SEMA3A: variants seen among roughly 807,000 people sequenced by gnomAD.
SEMA3A encodes the protein semaphorin-3A.
Under a neutral mutation model 97.9 loss-of-function variants are expected in SEMA3A, and 29 were observed. The ratio of observed to expected loss-of-function variants is 0.30; its 90% CI spans 0.22 to 0.40. The LOEUF is 0.40. SEMA3A is among the 10% of genes least tolerant of loss of function. The pLI is 1.00. For synonymous variants in SEMA3A, 321 were observed against 323.7 expected (o/e 0.99, Z 0.09); for missense variants, 763 against 951.3 (o/e 0.80, Z 2.60).
At chr7:84,107,276 T>C (rs1222325370) in intron 4 of SEMA3A, among the ~76,000 whole-genome samples, 3 of 152,202 alleles carry the variant, frequency 2.0e-5, no homozygotes, top group Non-Finnish European at 4.4e-5. Flanking sequence ...AAGTAAAATA[T>C]AGATGAATTT....
chr7:84,214,606 TACAC>T (rs1798702072), intron 3 of SEMA3A, among the ~76,000 whole-genome samples: 2 of 152,132 alleles, frequency 1.3e-5, no homozygotes, highest in South Asian at 4.2e-4. Flanking sequence ...TCTGCATTCT[TACAC>T]ATAAATAATC....
chr7:84,390,701 T>C (rs1450625910), intron 1 of SEMA3A, among the ~76,000 whole-genome samples: 2 of 148,142 alleles, frequency 1.4e-5, no homozygotes, highest in Non-Finnish European at 3.0e-5. Context: ...GATAACAGGA[T>C]AAAAAGAAGC....
intron 6 of SEMA3A, among the ~76,000 whole-genome samples, chr7:84,041,403 A>G (rs1276003384): frequency 2.0e-5 from 3 of 152,160 alleles, no homozygotes; most frequent in Non-Finnish European, 4.4e-5. Flanking sequence ...AGATACATTT[A>G]TAATGGCTGT....
Position 84,355,857 on chromosome 7 carries a change from A to C in SEMA3A, c.-169+15967T>G, listed in dbSNP as rs1469703495. 2.0e-5 allele frequency among the ~76,000 whole-genome samples: 3 copies of C among 151,920 alleles called. No homozygotes were observed. The East Asian group carries it at 5.8e-4, about 29-fold the overall frequency. On this transcript the variant is annotated intron_variant, in intron 2 of 3. Transcript: ENST00000424555. ...TCTATTTGTAAGTGCCTGAGAATGTAATTTCTTAACACATATTCCTTGGCC... is the reference window on the plus strand; with the variant it reads ...TCTATTTGTAAGTGCCTGAGAATGTCATTTCTTAACACATATTCCTTGGCC...
chr7:84,194,391 T>G, intron 1 of SEMA3A, 84 bp downstream of exon 1: 41 of 823,750 alleles, frequency 5.0e-5, no homozygotes, highest in Non-Finnish European at 7.2e-5. Flanking sequence ...GGTTTGATGA[T>G]TTGGGGTTGG....
chr7:83,990,005 T>C (rs1397844857), intron 12 of SEMA3A, among the ~76,000 whole-genome samples: 34 of 151,966 alleles, frequency 2.2e-4, no homozygotes, highest in Admixed American at 2.0e-4. Context: ...TTAATGATTG[T>C]CATTCTAACT....
At chr7:84,042,425 T>C (rs1183480485) in intron 6 of SEMA3A, among the ~76,000 whole-genome samples, 1 of 152,042 alleles carries the variant, frequency 6.6e-6, no homozygotes, top group Non-Finnish European at 1.5e-5. Context: ...TTGGGATCCA[T>C]GTGGTTTCAT....
At chr7:84,358,718 T>A (rs550118408) in intron 2 of SEMA3A, among the ~76,000 whole-genome samples, 1 of 152,256 alleles carries the variant, frequency 6.6e-6, no homozygotes, top group Non-Finnish European at 1.5e-5. Flanking sequence ...ATCTATAAAT[T>A]ACCTTGGGCA....
At chr7:84,210,665 G>C (rs1011987991) in intron 3 of SEMA3A, among the ~76,000 whole-genome samples, 1 of 152,126 alleles carries the variant, frequency 6.6e-6, no homozygotes, top group Non-Finnish European at 1.5e-5. Context: ...TTGCAGTGTG[G>C]AGTGATGTAT....
rs188011873 is a variant in SEMA3A, at chr7:84,442,389, G to A, written c.-246+50071C>T. The stretch of plus-strand genomic sequence containing the variant: ...TGTATTTTATTGAAGTTATGCTGGT[G>A]TAAATTCAAATTGAAGTGCTATAAT... On this transcript the variant is annotated intron_variant, in intron 1 of 3. Coordinates refer to the SEMA3A transcript ENST00000424555. Among the ~76,000 whole-genome samples the A allele has an allele frequency of 7.0e-4, 106 of 152,156 alleles. 1 individual carries two copies. The highest frequency in any genetic ancestry group is 2.4e-3 in the African/African-American group (98 of 41,544).
intron 3 of SEMA3A, among the ~76,000 whole-genome samples, chr7:84,220,481 T>C (rs1431158500): frequency 6.6e-6 from 1 of 152,200 alleles, no homozygotes; most frequent in African/African-American, 2.4e-5. Context: ...TTGGATTTAC[T>C]TTGACCAGAT....
chr7:84,210,548 T>C (rs1798601867), intron 3 of SEMA3A, among the ~76,000 whole-genome samples: 1 of 152,122 alleles, frequency 6.6e-6, no homozygotes, highest in Admixed American at 6.5e-5. Context: ...TCAAAAAGCA[T>C]TGCTATAGTC....
At chr7:84,113,874 T>G (rs959356007) in intron 3 of SEMA3A, among the ~76,000 whole-genome samples, 1 of 152,130 alleles carries the variant, frequency 6.6e-6, no homozygotes, top group African/African-American at 2.4e-5. Context: ...TTCATCACCC[T>G]TAGTGACAAA....
chr7:84,414,369 C>T (rs1292153324), intron 1 of SEMA3A, among the ~76,000 whole-genome samples: 1 of 147,052 alleles, frequency 6.8e-6, no homozygotes, highest in Non-Finnish European at 1.5e-5. Context: ...AAGTAATCAG[C>T]ACATGATAAA....
intron 3 of SEMA3A, among the ~76,000 whole-genome samples, chr7:84,244,414 C>G (rs1799434083): frequency 6.6e-6 from 1 of 152,080 alleles, no homozygotes; most frequent in Non-Finnish European, 1.5e-5. Flanking sequence ...ATTGCAACCC[C>G]TGCTGTTTTT....
At chr7:84,191,618 A>G (rs1798040598) in intron 1 of SEMA3A, among the ~76,000 whole-genome samples, 1 of 151,914 alleles carries the variant, frequency 6.6e-6, no homozygotes, top group Non-Finnish European at 1.5e-5. Context: ...TGTAGAAGAA[A>G]TAAACATTTA....
intron 4 of SEMA3A, among the ~76,000 whole-genome samples, chr7:84,109,029 G>A (rs12707614): frequency 0.48 from 73,069 of 151,446 alleles, 18,876 homozygotes; most frequent in East Asian, 0.69. Context: ...AATATCATGC[G>A]GAGGGAGTTC....
chr7:84,102,958 G>GTTTT lies in SEMA3A; in HGVS notation c.453+7508_453+7511dup, dbSNP rs548599896. Among the ~76,000 whole-genome samples the GTTTT allele has an allele frequency of 1.3e-3, 201 of 151,336 alleles. 1 individual carries two copies. The East Asian group carries it at 0.017, about 13-fold the overall frequency. ...CAGAGTTACCACATATTGTATGGGG[G>GTTTT]TTTTTTTTGACAGTAACTAAGTATA... On this transcript the variant is annotated intron_variant, in intron 4 of 16. Coordinates refer to ENST00000265362, the MANE Select transcript of SEMA3A (RefSeq NM_006080.3).
Position 84,303,203 on chromosome 7 carries a change from GCA to G in SEMA3A, c.-83+4002_-83+4003del, listed in dbSNP as rs550666742. The stretch of plus-strand genomic sequence containing the variant: ...TTTCGGGGCAAAACCAAGCCTCTAA[GCA>G]CTCTTTATGACCCTGTGGGCACTAA... On this transcript the variant is annotated intron_variant, in intron 3 of 3. Coordinates refer to the SEMA3A transcript ENST00000424555. Among the ~76,000 whole-genome samples the G allele has an allele frequency of 2.6e-5, 4 of 152,180 alleles. No homozygotes were observed. The South Asian group carries it at 8.3e-4, about 32-fold the overall frequency.
Sources: allele counts gnomAD v4.1 joint callset (sites outside exome capture counted in the v4.1 genomes callset), GRCh38; gene constraint gnomAD v4.1.1; transcripts MANE v1.5; gene names NCBI Gene and HGNC (gene_info 2026-07-23, HGNC 2026-07-21).